The following CLEC2B variants were observed in gnomAD, a reference collection of about 807,000 sequenced individuals.
The protein encoded by CLEC2B is C-type (calcium dependent, carbohydrate-recognition domain) lectin, superfamily member 2 (activation-induced).
In CLEC2B, 14 loss-of-function variants were observed where a neutral mutation model predicts 16.2. That is an observed-to-expected ratio of 0.86 (90% confidence interval 0.57 to 1.35). The LOEUF is 1.35. CLEC2B is among the 40% of genes most tolerant of loss of function. The pLI is 0.00. For missense variants in CLEC2B, 166 were observed against 182.3 expected (o/e 0.91, Z 0.52); for synonymous variants, 42 against 55.8 (o/e 0.75, Z 1.10).
chr12:9,854,673 A>G (rs1177560218), intron 3 of CLEC2B, 189 bp from the exon 4 acceptor site: 11 of 530,854 alleles, frequency 2.1e-5, no homozygotes, highest in Non-Finnish European at 3.3e-5. Flanking sequence ...TTTTTGTGAA[A>G]CAAATATGTT....
At chr12:9,857,949 C>A (rs1271276360) in intron 2 of CLEC2B, among the ~76,000 whole-genome samples, 1 of 151,924 alleles carries the variant, frequency 6.6e-6, no homozygotes, top group Non-Finnish European at 1.5e-5. Context: ...AAAAGGAAAT[C>A]CTAGCATTAC....
intron 2 of CLEC2B, 78 bp downstream of exon 2, chr12:9,862,421 A>AAAGATCATGGAT (rs1867939870): frequency 2.4e-6 from 3 of 1,259,276 alleles, no homozygotes; most frequent in Non-Finnish European, 3.1e-6. Flanking sequence ...GATACTGAGA[A>AAAGATCATGGAT]AAGATCATGA....
intron 3 of CLEC2B, chr12:9,857,136 G>T (rs1867899437): frequency 1.1e-5 from 2 of 177,728 alleles, no homozygotes; most frequent in Non-Finnish European, 2.3e-5. Context: ...TTTCTCTCAG[G>T]AAGTAGAATG....
Position 9,862,545 on chromosome 12 carries a change from A to C in CLEC2B, c.27T>G (p.Phe9Leu). The C allele has an allele frequency of 2.0e-6, 3 of 1,476,890 alleles. No homozygotes were observed. The highest frequency in any genetic ancestry group is 2.7e-6 in the Non-Finnish European group (3 of 1,095,248). The allele number at this position is 1,476,890 out of a possible 1,614,324, so 91.5% of individuals were successfully genotyped here. A position where few individuals can be genotyped will look rare whatever the true frequency, so the allele number is the denominator to read the frequency against. Residue 9 changes from phenylalanine to leucine, a missense_variant, in exon 2 of 5, where the codon TTT becomes TTG. Transcript: ENST00000228438. The part of the protein sequence containing the change: MMTKHKKC[F>L]IIVGVLITTN... ...TTGTTATTAAAACACCAACAATTAT[A>C]AAACACTTTTTATGTTTGGTCATCA...
intron 1 of CLEC2B, among the ~76,000 whole-genome samples, chr12:9,866,157 C>T (rs182176344): frequency 6.6e-6 from 1 of 152,150 alleles, no homozygotes; most frequent in African/African-American, 2.4e-5. Flanking sequence ...AAATCAAGCT[C>T]TTTCTGATGA....
Position 9,862,516 on chromosome 12 carries a change from T to C in CLEC2B, c.56A>G (p.Asn19Ser). Residue 19 changes from asparagine to serine, a missense_variant, in exon 2 of 5, where the codon AAT (asparagine) becomes AGT (serine). Transcript: ENST00000228438. ...FIIVGVLITTNIITLIVKLTR... is the reference protein window; with the variant it reads ...FIIVGVLITTSIITLIVKLTR... ...TAACTTACCTATCAGAGTAATAATA[T>C]TAGTTGTTATTAAAACACCAACAAT... The C allele has an allele frequency of 6.9e-7, 1 of 1,456,082 alleles. No homozygotes were observed. Among genetic ancestry groups the C allele is most frequent in the South Asian group, 1.2e-5 (1 of 81,360 alleles). The allele number at this position is 1,456,082 out of a possible 1,614,324, so 90.2% of individuals were successfully genotyped here.
chr12:9,859,606 G>A (rs999598530), intron 2 of CLEC2B, among the ~76,000 whole-genome samples: 2 of 151,698 alleles, frequency 1.3e-5, no homozygotes, highest in East Asian at 3.9e-4. Flanking sequence ...GCTTCAATTA[G>A]AAATACTTCT....
rs78557733 is a variant in CLEC2B at position 9,852,625 on chromosome 12, A to G, written c.*675T>C. 6.0e-4 allele frequency among the ~76,000 whole-genome samples: 91 copies of G among 152,292 alleles called. 2 individuals carry two copies. The East Asian group carries it at 0.017, about 29-fold the overall frequency. On this transcript the variant is annotated 3_prime_UTR_variant, in exon 5 of 5. Coordinates refer to ENST00000228438, the MANE Select transcript of CLEC2B (RefSeq NM_005127.3). ...CCTGTCTACCCTGTTTTAGTTGCATATGACAAGAATGACCCCATTTGTTTG... is the reference window on the plus strand; with the variant it reads ...CCTGTCTACCCTGTTTTAGTTGCATGTGACAAGAATGACCCCATTTGTTTG...
intron 2 of CLEC2B, among the ~76,000 whole-genome samples, chr12:9,859,315 T>G (rs1333020006): frequency 6.6e-6 from 1 of 151,928 alleles, no homozygotes; most frequent in Non-Finnish European, 1.5e-5. Context: ...AAAAAATTAA[T>G]GCCAAATAGA....
intron 1 of CLEC2B, among the ~76,000 whole-genome samples, chr12:9,865,634 T>A (rs571517194): frequency 2.6e-5 from 4 of 152,302 alleles, no homozygotes; most frequent in South Asian, 4.1e-4. Flanking sequence ...CAAGGAATAT[T>A]GGAGTTATAC....
At chr12:9,854,799 C>T (rs114190342) in intron 3 of CLEC2B, 137 of 420,560 alleles carry the variant, frequency 3.3e-4, no homozygotes, top group African/African-American at 2.6e-3. Flanking sequence ...ATTGAGCTCT[C>T]GCACAGCATT....
intron 3 of CLEC2B, 103 bp from the exon 4 acceptor site, chr12:9,854,587 T>G: frequency 1.3e-6 from 1 of 755,266 alleles, no homozygotes; most frequent in Admixed American, 2.1e-5. Context: ...GCAACAATTG[T>G]TCAACTCCTG....
intron 1 of CLEC2B, among the ~76,000 whole-genome samples, chr12:9,867,969 T>TA (rs1867984502): frequency 6.6e-6 from 1 of 151,850 alleles, no homozygotes; most frequent in South Asian, 2.1e-4. Flanking sequence ...AAAATACTGA[T>TA]AAGCAGAGCA....
intron 1 of CLEC2B, among the ~76,000 whole-genome samples, chr12:9,864,163 GAA>G (rs34581887): frequency 1.1e-3 from 160 of 141,862 alleles, no homozygotes; most frequent in Admixed American, 3.6e-3. Context: ...TTTAAGTGCT[GAA>G]AAAAAAAAAA....
intron 1 of CLEC2B, among the ~76,000 whole-genome samples, chr12:9,868,956 A>G (rs1417965406): frequency 1.3e-5 from 2 of 152,156 alleles, no homozygotes; most frequent in Non-Finnish European, 2.9e-5. Flanking sequence ...CTTAGTAAAA[A>G]TGAAACTAAA....
chr12:9,865,287 C>A (rs906248637), intron 1 of CLEC2B, among the ~76,000 whole-genome samples: 1 of 150,826 alleles, frequency 6.6e-6, no homozygotes, highest in Non-Finnish European at 1.5e-5. Flanking sequence ...TATAAAGACA[C>A]ACAGAGAATG....
At chr12:9,854,659 G>GT (rs1435459467) in intron 3 of CLEC2B, 175 bp from the exon 4 acceptor site, 83 of 511,962 alleles carry the variant, frequency 1.6e-4, no homozygotes, top group South Asian at 4.9e-4. Context: ...CTGACCTTCA[G>GT]TTTTTTTTGT....
chr12:9,866,138 A>G (rs1867968538), intron 1 of CLEC2B, among the ~76,000 whole-genome samples: 1 of 152,162 alleles, frequency 6.6e-6, no homozygotes, highest in Non-Finnish European at 1.5e-5. Flanking sequence ...AGAAAAAAGA[A>G]GTGTTAAAAA....
chr12:9,868,401 T>C (rs925776047), intron 1 of CLEC2B, among the ~76,000 whole-genome samples: 23 of 152,084 alleles, frequency 1.5e-4, no homozygotes, highest in African/African-American at 4.3e-4. Context: ...GTGCATTCTA[T>C]TGTACCACAG....
Sources: allele counts gnomAD v4.1 joint callset (sites outside exome capture counted in the v4.1 genomes callset), GRCh38; gene constraint gnomAD v4.1.1; transcripts MANE v1.5; gene names NCBI Gene and HGNC (gene_info 2026-07-23, HGNC 2026-07-21).